DCHS1: variants seen among roughly 807,000 people sequenced by gnomAD.
DCHS1 encodes protocadherin-16.
In DCHS1, 78 loss-of-function variants were observed where a neutral mutation model predicts 213.9. The ratio of observed to expected loss-of-function variants is 0.36; its 90% CI spans 0.30 to 0.44. DCHS1 has a LOEUF of 0.44. Ranked by LOEUF, DCHS1 falls within the 20% of genes least tolerant of loss-of-function variation. The probability of loss-of-function intolerance (pLI) is 1.00; values close to 1 mark genes in which losing one functional copy is unlikely to be tolerated. For missense variants in DCHS1, 3,946 were observed against 4,395.9 expected, an observed-to-expected ratio of 0.90 and a Z score of 2.89; for synonymous variants, 1,828 against 1,873.7, an observed-to-expected ratio of 0.98 and a Z score of 0.63.
Position 6,622,283 on chromosome 11 carries a change from C to G in DCHS1, c.9393G>C (p.Gly3131=). The change falls in exon 21 of 21, where the codon GGG becomes GGC. Residue 3131 remains glycine (G), a synonymous_variant. Coordinates refer to ENST00000299441, the MANE Select transcript of DCHS1 (RefSeq NM_003737.4). The surrounding 1 kb of genome is among the most constrained non-coding windows in gnomAD (Gnocchi z 5.4). ...GGCGLSPAPT[G]DYGFPADGKP... ...TGCCATCTGCTGGGAAGCCATAGTC[C>G]CCAGTGGGTGCAGGGCTCAGGCCAC... is the stretch of plus-strand genomic sequence containing the variant. 2.5e-6 allele frequency: 4 copies of G among 1,607,228 alleles called. No homozygotes were observed. Among genetic ancestry groups the G allele is most frequent in the Non-Finnish European group, 3.4e-6 (4 of 1,177,352 alleles).
intron 12 of DCHS1, 82 bp downstream of exon 12, chr11:6,629,370 G>A: frequency 6.5e-7 from 1 of 1,530,940 alleles, no homozygotes; most frequent in Non-Finnish European, 8.8e-7. Context: ...CTTCTAAAAG[G>A]TAGTACTTTG....
chr11:6,623,553 A>G lies in DCHS1; in HGVS notation c.8123T>C (p.Leu2708Pro), dbSNP rs779449552. The G allele has an allele frequency of 6.2e-7, 1 of 1,612,738 alleles. No individual in the cohort carries two copies. Among genetic ancestry groups the G allele is most frequent in the Admixed American group, 1.7e-5 (1 of 59,820 alleles). Residue 2708 changes from leucine to proline, a missense_variant, in exon 21 of 21, where the codon CTG becomes CCG. This residue lies in a region of DCHS1 where 3,384 missense variants were observed against 3,780.1 expected (regional missense o/e 0.90). Transcript: ENST00000299441. Reference protein sequence around the residue: ...DVNDHGPAFPLNLLSTSVAEN... With the variant: ...DVNDHGPAFPPNLLSTSVAEN... ...GGCCACGCTGGTGCTGAGTAAGTTC[A>G]GTGGGAAGGCTGGGCCATGATCATT...
In DCHS1 at chr11:6,628,548, CT is replaced by C. The variant is rs1855848115; in HGVS notation, c.5371+72del. ...GGAGACCCAGACACATGCACTGAGG[CT>C]GACAGCAGCCAAGAAGGAGCAAGAA... On this transcript the variant is annotated intron_variant, in intron 13 of 20. Coordinates refer to ENST00000299441, the MANE Select transcript of DCHS1 (RefSeq NM_003737.4). The surrounding 1 kb of genome is among the most constrained non-coding windows in gnomAD (Gnocchi z 4.3). The C allele has an allele frequency of 6.4e-7, 1 of 1,564,230 alleles. No homozygotes were observed. The highest frequency in any genetic ancestry group is 8.8e-7 in the Non-Finnish European group (1 of 1,137,348).
chr11:6,642,454 G>A (rs578259489), intron 1 of DCHS1, among the ~76,000 whole-genome samples: 5 of 152,318 alleles, frequency 3.3e-5, no homozygotes, highest in Admixed American at 6.5e-5. Context: ...CAGGGAGTCC[G>A]TGTTTTGCCT....
Position 6,623,171 on chromosome 11 carries a change from C to T in DCHS1, c.8505G>A (p.Val2835=). 1.2e-6 allele frequency: 2 copies of T among 1,607,872 alleles called. No individual in the cohort carries two copies. The highest frequency in any genetic ancestry group is 2.2e-5 in the East Asian group (1 of 44,654). ...CACCCCCATCCTCATCTGTGGCCTGCACGTGACCCAAGCTGTGGCCACGCC... is the reference window on the plus strand; with the variant it reads ...CACCCCCATCCTCATCTGTGGCCTGTACGTGACCCAAGCTGTGGCCACGCC... ...GARRGHSLGH[V]QATDEDGGAD... Residue 2835 remains valine (V), a synonymous_variant, in exon 21 of 21, where the codon GTG becomes GTA. Transcript: ENST00000299441.
Position 6,630,383 on chromosome 11 carries a change from C to A in DCHS1, c.4411G>T (p.Asp1471Tyr). The change falls in exon 10 of 21, where the codon GAC becomes TAC. Residue 1471 changes from aspartate to tyrosine, a missense_variant. Asp to Tyr is a radical substitution (Grantham distance 160). Around this residue, in one of 3 missense-constraint regions of DCHS1, gnomAD observed 3,384 missense variants for 3,780.1 expected, o/e 0.90. Transcript: ENST00000299441. Reference sequence around the variant, plus strand: ...TGGCGCAGCAGGCGGTAGCGCACGTCGCTATTGGGGCCGGGGCCGTCGGCG... The same window carrying A: ...TGGCGCAGCAGGCGGTAGCGCACGTAGCTATTGGGGCCGGGGCCGTCGGCG... Reference protein sequence around the residue: ...SDADGPGPNSDVRYRLLRQEP... With the variant: ...SDADGPGPNSYVRYRLLRQEP... 7.2e-7 allele frequency: 1 copy of A among 1,386,322 alleles called. No individual in the cohort carries two copies. The highest frequency in any genetic ancestry group is 9.3e-7 in the Non-Finnish European group (1 of 1,073,916). 85.9% of individuals were successfully genotyped at this position (1,386,322 alleles called of 1,614,324 possible).
rs1188619121 is a variant in DCHS1, at chr11:6,629,775, G to C, written c.4932C>G (p.Asp1644Glu). Residue 1644 changes from aspartate (D) to glutamate (E), a missense_variant, in exon 11 of 21, where the codon GAC (aspartate) becomes GAG (glutamate). Asp to Glu is a conservative substitution (Grantham distance 45). Around this residue, in one of 3 missense-constraint regions of DCHS1, gnomAD observed 3,384 missense variants for 3,780.1 expected, o/e 0.90. Transcript: ENST00000299441. ...VLTVSVADVN[D>E]EAPTFQQQEY... ...CCTGCTGCTGGAAAGTAGGCGCCTC[G>C]TCGTTGACGTCAGCGACACTGACGG... 1.2e-6 allele frequency: 2 copies of C among 1,613,586 alleles called. No homozygotes were observed. The highest frequency in any genetic ancestry group is 2.2e-5 in the South Asian group (2 of 91,094).
At position 6,631,054 on chromosome 11, in the gene DCHS1, T is replaced by C; in HGVS notation, c.3929A>G (p.Gln1310Arg). The C allele has an allele frequency of 1.2e-6, 2 of 1,605,764 alleles. No individual in the cohort carries two copies. Among genetic ancestry groups the C allele is most frequent in the South Asian group, 2.2e-5 (2 of 90,224 alleles). Residue 1310 changes from glutamine (Q) to arginine (R), a missense_variant and splice_region_variant, in exon 9 of 21, where the codon CAG (glutamine) becomes CGG (arginine). Gln to Arg is a conservative substitution (Grantham distance 43). Around this residue, in one of 3 missense-constraint regions of DCHS1, gnomAD observed 3,384 missense variants for 3,780.1 expected, o/e 0.90. Coordinates refer to ENST00000299441, the MANE Select transcript of DCHS1 (RefSeq NM_003737.4). Reference sequence around the variant, plus strand: ...CAAGGGGAGGAAGGGCAGCCATACCTGCACCAGCAGCTGGAGGCTGGCACT... The same window carrying C: ...CAAGGGGAGGAAGGGCAGCCATACCCGCACCAGCAGCTGGAGGCTGGCACT... ...PRSASLQLLV[Q>R]VLPSARLAEP... is the part of the protein sequence containing the mutation.
rs761572058 is a variant in DCHS1 at position 6,624,021 on chromosome 11, C to T, written c.7655G>A (p.Gly2552Asp). ...TAGAGGTTCAAGCAACACCAGGCAG[C>T]CCAGTGCCCGGGGGCCTGGTCCAGC... Reference protein sequence around the residue: ...ESAGPGPRALGCLVLLEPLDF... With the variant: ...ESAGPGPRALDCLVLLEPLDF... The change falls in exon 21 of 21, where the codon GGC (glycine) becomes GAC (aspartate). Residue 2552 changes from glycine to aspartate, a missense_variant. Physicochemically the swap from Gly to Asp is moderately conservative, Grantham distance 94. Around this residue, in one of 3 missense-constraint regions of DCHS1, gnomAD observed 3,384 missense variants for 3,780.1 expected, o/e 0.90. Transcript: ENST00000299441. 6.2e-7 allele frequency: 1 copy of T among 1,613,454 alleles called. No homozygotes were observed. The highest frequency in any genetic ancestry group is 8.5e-7 in the Non-Finnish European group (1 of 1,179,794).
Position 6,640,461 on chromosome 11 carries a change from C to G in DCHS1, c.1153G>C (p.Val385Leu), listed in dbSNP as rs567744979. Residue 385 changes from valine to leucine, a missense_variant, in exon 2 of 21, where the codon GTT (valine) becomes CTT (leucine). Physicochemically the swap from Val to Leu is conservative, Grantham distance 32. This residue lies in a region of DCHS1 where 3,384 missense variants were observed against 3,780.1 expected (regional missense o/e 0.90). Transcript: ENST00000299441. This position sits in a 1 kb window ranked among gnomAD's most constrained non-coding sequence, Gnocchi z 6.5. ...VSEAAPPGQL[V>L]ARISVSDPDD... ...GGGTCTGACACAGAGATGCGAGCAA[C>G]GAGCTGTCCAGGTGGGGCGGCCTCA... 15 of 1,613,694 alleles carry G rather than the reference C, an allele frequency of 9.3e-6. No individual in the cohort carries two copies. Among genetic ancestry groups the G allele is most frequent in the Non-Finnish European group, 1.3e-5 (15 of 1,179,910 alleles).
chr11:6,645,052 G>A (rs970954483), intron 1 of DCHS1, among the ~76,000 whole-genome samples: 5 of 152,230 alleles, frequency 3.3e-5, no homozygotes, highest in African/African-American at 1.2e-4. Flanking sequence ...CTGTAAAATG[G>A]CTATGCTGAC....
intron 20 of DCHS1, 76 bp from the exon 21 acceptor site, chr11:6,624,466 C>T: frequency 6.9e-7 from 1 of 1,445,992 alleles, no homozygotes; most frequent in African/African-American, 1.4e-5. Context: ...CCTTCAGGAT[C>T]TAGGAAATGG....
In DCHS1 at chr11:6,631,794, A is replaced by G. The variant is rs965738485; in HGVS notation, c.3497T>C (p.Leu1166Pro). 1.9e-6 allele frequency: 3 copies of G among 1,540,856 alleles called. No homozygotes were observed. Among genetic ancestry groups the G allele is most frequent in the Non-Finnish European group, 2.6e-6 (3 of 1,144,376 alleles). Residue 1166 changes from leucine to proline, a missense_variant, in exon 7 of 21, where the codon CTC becomes CCC. By Grantham distance (98) the Leu-to-Pro change is moderately conservative. Coordinates refer to ENST00000299441, the MANE Select transcript of DCHS1 (RefSeq NM_003737.4). ...CTGCTGCTCACGGTCCAGGGTTTGG[A>G]GTGTGGTCACTTCTCCTGGGAGTGC... ...IHPQTGEVTT[L>P]QTLDREQQSS...
rs1219686778 is a variant in DCHS1 at position 6,655,625 on chromosome 11, C to G, written c.-183G>C. On this transcript the variant is annotated 5_prime_UTR_variant, in exon 1 of 21. Transcript: ENST00000299441. The stretch of plus-strand genomic sequence containing the variant: ...CGCCGTCCGGCCGCGGTCAGCCCCC[C>G]GGGCAGCGCCCGCTCGCGCGGGGCC... 1.3e-5 allele frequency: 13 copies of G among 978,758 alleles called. No homozygotes were observed. The Middle Eastern group carries it at 1.6e-3, about 117-fold the overall frequency. The allele number at this position is 978,758 out of a possible 1,614,324, so 60.6% of individuals were successfully genotyped here.
intron 2 of DCHS1, among the ~76,000 whole-genome samples, chr11:6,638,362 G>C (rs1413167336): frequency 2.6e-5 from 4 of 152,224 alleles, no homozygotes; most frequent in Admixed American, 1.3e-4. Flanking sequence ...GATTTGCTTA[G>C]AGTCCTTCAC....
rs1256019109 is a variant in DCHS1 at position 6,628,817 on chromosome 11, G to A, written c.5175C>T (p.Asp1725=). The A allele has an allele frequency of 6.2e-7, 1 of 1,613,402 alleles. No individual in the cohort carries two copies. Among genetic ancestry groups the A allele is most frequent in the Admixed American group, 1.7e-5 (1 of 59,932 alleles). ...EEINLTVYAQ[D]RGSPPQLTHV... ...GCGTTAACTGAGGAGGTGAGCCCCT[G>A]TCCTGGGCATACACTGTGGGGAAGC... The change falls in exon 13 of 21, where the codon GAC becomes GAT. Residue 1725 remains aspartate (D), a synonymous_variant. Coordinates refer to ENST00000299441, the MANE Select transcript of DCHS1 (RefSeq NM_003737.4). This position sits in a 1 kb window ranked among gnomAD's most constrained non-coding sequence, Gnocchi z 4.3.
At chr11:6,639,785 A>G (rs375138225) in intron 2 of DCHS1, 32 bp downstream of exon 2, 21 of 1,539,126 alleles carry the variant, frequency 1.4e-5, no homozygotes, top group Middle Eastern at 1.7e-4. Context: ...GATTCCCCCA[A>G]CACTATCTTG....
chr11:6,651,027 G>T (rs1856235140), intron 1 of DCHS1, among the ~76,000 whole-genome samples: 2 of 152,206 alleles, frequency 1.3e-5, no homozygotes, highest in Non-Finnish European at 2.9e-5. Context: ...TGAGGGATGT[G>T]CTGTGAGGTA....
At chr11:6,649,471 T>C (rs1330273483) in intron 1 of DCHS1, among the ~76,000 whole-genome samples, 1 of 151,228 alleles carries the variant, frequency 6.6e-6, no homozygotes, top group Non-Finnish European at 1.5e-5. Context: ...GGAAGGAACA[T>C]GGAGGATGAC....
Sources: allele counts gnomAD v4.1 joint callset (sites outside exome capture counted in the v4.1 genomes callset), GRCh38; gene constraint gnomAD v4.1.1; regional missense constraint gnomAD v4.1.1; non-coding constraint Gnocchi (gnomAD v3.1); transcripts MANE v1.5; gene names NCBI Gene and HGNC (gene_info 2026-07-23, HGNC 2026-07-21).